NUP133: variants seen among roughly 807,000 people sequenced by gnomAD.
NUP133 encodes nuclear pore complex protein Nup133.
NUP133 carries 66 observed loss-of-function variants against 146.2 expected under a neutral mutation model. The ratio of observed to expected loss-of-function variants is 0.45; its 90% CI spans 0.37 to 0.55. The LOEUF is 0.55. Among genes scored for constraint, NUP133 ranks in the 20% least tolerant of loss-of-function variants. NUP133 has a pLI of 0.00. For missense variants in NUP133, 1,277 were observed against 1,374.8 expected (o/e 0.93, Z 1.12); for synonymous variants, 521 against 498.8 (o/e 1.04, Z -0.59).
chr1:229,476,928 C>CAAAAAAAA (rs745478707), intron 13 of NUP133, among the ~76,000 whole-genome samples: 12 of 72,510 alleles, frequency 1.7e-4, no homozygotes, highest in African/African-American at 4.8e-4. Flanking sequence ...ACCCTGTTTC[C>CAAAAAAAA]AAAAAAAAAA....
intron 20 of NUP133, among the ~76,000 whole-genome samples, chr1:229,458,998 A>G (rs1660631888): frequency 6.6e-6 from 1 of 152,220 alleles, no homozygotes; most frequent in South Asian, 2.1e-4. Flanking sequence ...AAATGCTTTT[A>G]AATTTAAAAA....
intron 6 of NUP133, 137 bp from the exon 7 acceptor site, chr1:229,496,184 T>TG (rs1415875164): frequency 1.4e-6 from 1 of 714,188 alleles, no homozygotes. Context: ...AAGAAAGTAG[T>TG]GATCCTGGGC....
chr1:229,443,291 C>T (rs1364142427), intron 25 of NUP133, among the ~76,000 whole-genome samples: 9 of 151,802 alleles, frequency 5.9e-5, no homozygotes, highest in East Asian at 3.9e-4. Flanking sequence ...TCTCCTGCCT[C>T]GGCCTCCCAA....
At chr1:229,478,292 T>C (rs1161730237) in intron 12 of NUP133, among the ~76,000 whole-genome samples, 4 of 151,842 alleles carry the variant, frequency 2.6e-5, no homozygotes, top group East Asian at 1.9e-4. Context: ...TAAATACACA[T>C]TGAATACTTA....
rs1440349242 is a variant in NUP133 at position 229,487,583 on chromosome 1, C to A, written c.1225G>T (p.Val409Phe). The A allele has an allele frequency of 6.2e-7, 1 of 1,612,132 alleles. No individual in the cohort carries two copies. Among genetic ancestry groups the A allele is most frequent in the African/African-American group, 1.3e-5 (1 of 74,824 alleles). The change falls in exon 10 of 26, where the codon GTC becomes TTC. Residue 409 changes from valine to phenylalanine, a missense_variant. By Grantham distance (50) the Val-to-Phe change is conservative. This residue lies in a region of NUP133 where 952 missense variants were observed against 1,047.0 expected (regional missense o/e 0.91). Coordinates refer to ENST00000261396, the MANE Select transcript of NUP133 (RefSeq NM_018230.3). ...GCAGTCTGGTTTGAAAAGTTTGGGA[C>A]CGTCAACTGACACAAAATCAGGTCT... ...SEDLILCQLT[V>F]PNFSNQTAYL...
At chr1:229,494,969 C>A (rs1033683405) in intron 8 of NUP133, among the ~76,000 whole-genome samples, 2 of 152,194 alleles carry the variant, frequency 1.3e-5, no homozygotes, top group African/African-American at 4.8e-5. Flanking sequence ...ACGAATGAGA[C>A]ACGAAGGTAA....
At chr1:229,470,394 T>C (rs1282449488) in intron 15 of NUP133, among the ~76,000 whole-genome samples, 186 bp downstream of exon 15, 1 of 152,156 alleles carries the variant, frequency 6.6e-6, no homozygotes, top group African/African-American at 2.4e-5. Context: ...CTTTGCAAAC[T>C]CTTCTTTACA....
intron 12 of NUP133, among the ~76,000 whole-genome samples, chr1:229,480,340 G>A (rs761912605): frequency 3.3e-5 from 5 of 152,182 alleles, no homozygotes; most frequent in South Asian, 2.1e-4. Context: ...TCTTGAAAGC[G>A]TGAAAGGCCA....
At chr1:229,468,323 A>G (rs1660871209) in intron 15 of NUP133, among the ~76,000 whole-genome samples, 1 of 152,224 alleles carries the variant, frequency 6.6e-6, no homozygotes, top group East Asian at 1.9e-4. Flanking sequence ...GTGGAAGGAC[A>G]GGTAAAAAGA....
chr1:229,453,054 C>G (rs564013671), intron 21 of NUP133, among the ~76,000 whole-genome samples: 6 of 152,112 alleles, frequency 3.9e-5, no homozygotes, highest in Non-Finnish European at 7.4e-5. Flanking sequence ...CCTTGAATAA[C>G]AAGGGGGATG....
In NUP133 at chr1:229,507,250, TTTCAAAA is replaced by T. The variant is rs371879915; in HGVS notation, c.182+811_182+817del. 6.9e-3 allele frequency among the ~76,000 whole-genome samples: 1,049 copies of T among 152,346 alleles called. 12 individuals carry two copies. Among genetic ancestry groups the T allele is most frequent in the African/African-American group, 0.024 (1,005 of 41,582 alleles). ...AAAAAGTCAAAGATACAGTGTATTCTTTCAAAACCACTTCTCCTTTAAAGTACTGAAA... is the reference window on the plus strand; with the variant it reads ...AAAAAGTCAAAGATACAGTGTATTCTCCACTTCTCCTTTAAAGTACTGAAA... On this transcript the variant is annotated intron_variant, in intron 1 of 25. Coordinates refer to ENST00000261396, the MANE Select transcript of NUP133 (RefSeq NM_018230.3).
intron 14 of NUP133, among the ~76,000 whole-genome samples, chr1:229,474,120 A>T (rs16849816): frequency 0.058 from 8,850 of 152,220 alleles, 778 homozygotes; most frequent in African/African-American, 0.19. Context: ...AGGATGAGCG[A>T]CTAAATGGAG....
chr1:229,444,128 C>T (rs1221823193), intron 25 of NUP133, among the ~76,000 whole-genome samples: 2 of 151,814 alleles, frequency 1.3e-5, no homozygotes, highest in African/African-American at 2.4e-5. Context: ...GTCAGGAGTT[C>T]GAGGCCAGCC....
chr1:229,476,032 C>T (rs577004707), intron 13 of NUP133, among the ~76,000 whole-genome samples: 17 of 151,656 alleles, frequency 1.1e-4, no homozygotes, highest in Admixed American at 6.6e-4. Flanking sequence ...TGCTTGAACC[C>T]GGGGAGGTGG....
At chr1:229,459,179 G>A (rs550884806) in intron 20 of NUP133, among the ~76,000 whole-genome samples, 6 of 152,064 alleles carry the variant, frequency 3.9e-5, no homozygotes, top group African/African-American at 1.4e-4. Flanking sequence ...ATTCTAAAAT[G>A]TACAATACAC....
At chr1:229,488,257 T>A (rs1661412134) in intron 9 of NUP133, among the ~76,000 whole-genome samples, 1 of 152,204 alleles carries the variant, frequency 6.6e-6, no homozygotes, top group Admixed American at 6.6e-5. Flanking sequence ...TAAAATTCGT[T>A]ATATTAAGAA....
intron 8 of NUP133, among the ~76,000 whole-genome samples, chr1:229,493,259 C>T (rs946731472): frequency 6.6e-5 from 10 of 152,192 alleles, no homozygotes; most frequent in African/African-American, 2.4e-4. Flanking sequence ...CTCACTACAG[C>T]CCCAATCTCC....
At chr1:229,456,699 ATG>A (rs1002932428) in intron 21 of NUP133, among the ~76,000 whole-genome samples, 8 of 151,550 alleles carry the variant, frequency 5.3e-5, no homozygotes, top group African/African-American at 1.7e-4. Flanking sequence ...AGAAATACGT[ATG>A]TGTGTGTGTG....
chr1:229,499,871 A>ACCAGCAGTTTTTG, intron 4 of NUP133, 53 bp from the exon 5 acceptor site: 1 of 1,571,306 alleles, frequency 6.4e-7, no homozygotes, highest in East Asian at 2.3e-5. Context: ...GAACCCAAAA[A>ACCAGCAGTTTTTG]CCAGCAGTCT....
Sources: gnomAD v4.1 joint callset for allele counts (sites outside exome capture counted in the v4.1 genomes callset) on GRCh38, gnomAD v4.1.1 for gene constraint, gnomAD v4.1.1 regional missense constraint, MANE v1.5 for transcripts, NCBI Gene and HGNC (gene_info 2026-07-23, HGNC 2026-07-21) for gene names.